UHMK1: variants seen among roughly 807,000 people sequenced by gnomAD.
The protein encoded by UHMK1 is U2AF homology motif kinase 1, also known as serine/threonine-protein kinase Kist.
In UHMK1, 18 loss-of-function variants were observed where a neutral mutation model predicts 44.0. That is an observed-to-expected ratio of 0.41 (90% CI 0.28 to 0.61). The LOEUF (loss-of-function observed/expected upper bound fraction) is 0.61, where lower values mean the gene tolerates loss of function less well. Among genes scored for constraint, UHMK1 ranks in the 20% least tolerant of loss-of-function variants. UHMK1 has a pLI of 0.31. For synonymous variants in UHMK1, 231 were observed against 198.5 expected (o/e 1.16, Z -1.38); for missense variants, 463 against 522.5 (o/e 0.89, Z 1.11).
intron 3 of UHMK1, 57 bp from the exon 4 acceptor site, chr1:162,503,697 A>G: frequency 2.5e-6 from 3 of 1,194,814 alleles, no homozygotes; most frequent in Non-Finnish European, 3.7e-6. Flanking sequence ...CTATATGCCT[A>G]GTATTCAATA....
chr1:162,527,330 G>C lies in UHMK1; in HGVS notation c.*4780G>C, dbSNP rs1451015459. On this transcript the variant is annotated 3_prime_UTR_variant, in exon 8 of 8. Transcript: ENST00000489294. ...AAGTGCCATGGATATTTAAGAAGAA[G>C]GTAAATAATTTTAATATTTTTTGCT... 6.6e-6 allele frequency: 1 copy of C among 151,940 alleles called. No homozygotes were observed. Among genetic ancestry groups the C allele is most frequent in the Non-Finnish European group, 1.5e-5 (1 of 67,888 alleles). The allele number at this position is 151,940 out of a possible 1,614,324, so 9.4% of individuals were successfully genotyped here.
chr1:162,502,775 A>C (rs111334870), intron 3 of UHMK1, among the ~76,000 whole-genome samples: 2,227 of 152,320 alleles, frequency 0.015, 29 homozygotes, highest in South Asian at 0.04. Flanking sequence ...TCTTGCCTCC[A>C]CAAAGCTCTT....
Position 162,498,195 on chromosome 1 carries a change from G to A in UHMK1, c.195G>A (p.Ala65=), listed in dbSNP as rs768065340. ...QFLPPGTTGA[A]ASAAEYGFRK... ...TGCCGCCAGGAACCACCGGGGCTGC[G>A]GCCTCTGCCGCCGAGTATGGTTTCC... is the stretch of plus-strand genomic sequence containing the variant. The change falls in exon 1 of 8, where the codon GCG becomes GCA. Residue 65 remains alanine, a synonymous_variant. Coordinates refer to ENST00000489294, the MANE Select transcript of UHMK1 (RefSeq NM_175866.5). 1 of 1,612,924 alleles carries A rather than the reference G, an allele frequency of 6.2e-7. No homozygotes were observed. Among genetic ancestry groups the A allele is most frequent in the East Asian group, 2.2e-5 (1 of 44,858 alleles).
intron 6 of UHMK1, among the ~76,000 whole-genome samples, chr1:162,517,612 C>G (rs532693854): frequency 1.3e-5 from 2 of 152,156 alleles, no homozygotes; most frequent in African/African-American, 2.4e-5. Context: ...ATTGGCCAGG[C>G]GCAGTGGCTC....
Position 162,501,021 on chromosome 1 carries a change from G to C in UHMK1, c.670G>C (p.Asp224His). 1 of 1,614,116 alleles carries C rather than the reference G, an allele frequency of 6.2e-7. No homozygotes were observed. Among genetic ancestry groups the C allele is most frequent in the Non-Finnish European group, 8.5e-7 (1 of 1,180,012 alleles). The change falls in exon 3 of 8, where the codon GAT becomes CAT. Residue 224 changes from aspartate (D) to histidine (H), a missense_variant. By Grantham distance (81) the Asp-to-His change is moderately conservative. Coordinates refer to ENST00000489294, the MANE Select transcript of UHMK1 (RefSeq NM_175866.5). ...QSDTECTSAV[D>H]LWSLGIILLE... Reference sequence around the variant, plus strand: ...TGATACAGAATGTACCTCAGCTGTTGATCTGTGGAGCCTAGGAATCATTTT... The same window carrying C: ...TGATACAGAATGTACCTCAGCTGTTCATCTGTGGAGCCTAGGAATCATTTT...
chr1:162,497,465 G>A (rs966582494), upstream of UHMK1, among the ~76,000 whole-genome samples: 1 of 152,158 alleles, frequency 6.6e-6, no homozygotes, highest in African/African-American at 2.4e-5. Flanking sequence ...CCAGAATCAT[G>A]GGTTCTGGTG....
intron 4 of UHMK1, among the ~76,000 whole-genome samples, chr1:162,506,548 C>T (rs1280692961): frequency 2.0e-5 from 3 of 152,152 alleles, no homozygotes; most frequent in Admixed American, 2.0e-4. Context: ...CTGTATGTGT[C>T]TCATCCCAAT....
intron 3 of UHMK1, among the ~76,000 whole-genome samples, chr1:162,501,315 G>A (rs1367392779): frequency 3.3e-5 from 5 of 151,960 alleles, no homozygotes; most frequent in Admixed American, 1.3e-4. Flanking sequence ...GATTACAGGC[G>A]CCAGCCACCG....
intron 4 of UHMK1, among the ~76,000 whole-genome samples, chr1:162,510,259 A>G (rs1481145494): frequency 6.6e-6 from 1 of 152,238 alleles, no homozygotes; most frequent in South Asian, 2.1e-4. Flanking sequence ...AGAATCCAAT[A>G]TATCATCATT....
At chr1:162,501,626 A>G (rs939215998) in intron 3 of UHMK1, among the ~76,000 whole-genome samples, 2 of 152,218 alleles carry the variant, frequency 1.3e-5, no homozygotes, top group African/African-American at 4.8e-5. Flanking sequence ...GGCTTGGCAT[A>G]TAGTAAGTGC....
At chr1:162,510,257 A>T (rs984983405) in intron 4 of UHMK1, among the ~76,000 whole-genome samples, 1 of 152,332 alleles carries the variant, frequency 6.6e-6, no homozygotes, top group African/African-American at 2.4e-5. Context: ...CAAGAATCCA[A>T]TATATCATCA....
At chr1:162,517,706 G>C (rs1156486814) in intron 6 of UHMK1, among the ~76,000 whole-genome samples, 1 of 151,982 alleles carries the variant, frequency 6.6e-6, no homozygotes, top group African/African-American at 2.4e-5. Context: ...CCAATATGGT[G>C]AAACCCCATC....
At chr1:162,510,733 T>C (rs1364847693) in intron 4 of UHMK1, among the ~76,000 whole-genome samples, 1 of 152,174 alleles carries the variant, frequency 6.6e-6, no homozygotes, top group East Asian at 1.9e-4. Flanking sequence ...CTTAGGTTGA[T>C]TCCATATCTT....
At chr1:162,518,531 A>C (rs1326474373) in intron 7 of UHMK1, among the ~76,000 whole-genome samples, 1 of 151,658 alleles carries the variant, frequency 6.6e-6, no homozygotes, top group East Asian at 1.9e-4. Flanking sequence ...AAAATACAAA[A>C]GTTAGCCAGG....
intron 4 of UHMK1, among the ~76,000 whole-genome samples, chr1:162,509,236 T>C (rs1323116893): frequency 2.0e-5 from 3 of 152,224 alleles, no homozygotes; most frequent in Non-Finnish European, 4.4e-5. Flanking sequence ...TTCAGAGATC[T>C]CCTGGCTCTT....
chr1:162,516,461 T>G (rs1342809338), intron 6 of UHMK1, among the ~76,000 whole-genome samples: 2 of 152,014 alleles, frequency 1.3e-5, no homozygotes, highest in Non-Finnish European at 2.9e-5. Context: ...AAGAAAGGGA[T>G]GAGGGAAGGA....
chr1:162,505,656 G>A (rs564399071), intron 4 of UHMK1, among the ~76,000 whole-genome samples: 42 of 152,220 alleles, frequency 2.8e-4, no homozygotes, highest in Non-Finnish European at 4.7e-4. Flanking sequence ...GTCCATTGTT[G>A]ACCAAAACGT....
intron 6 of UHMK1, among the ~76,000 whole-genome samples, chr1:162,514,424 G>A: frequency 6.6e-6 from 1 of 152,248 alleles, no homozygotes; most frequent in East Asian, 1.9e-4. Context: ...TACCTATCTT[G>A]TAGAGTTGTT....
intron 7 of UHMK1, among the ~76,000 whole-genome samples, chr1:162,520,516 G>A (rs1652017574): frequency 6.6e-6 from 1 of 152,176 alleles, no homozygotes; most frequent in South Asian, 2.1e-4. Context: ...AGGAGTGCTG[G>A]GGTAGGTAGG....
Sources: allele counts gnomAD v4.1 joint callset (sites outside exome capture counted in the v4.1 genomes callset), GRCh38; gene constraint gnomAD v4.1.1; transcripts MANE v1.5; gene names NCBI Gene and HGNC (gene_info 2026-07-23, HGNC 2026-07-21).